The following PLEC variants were observed in gnomAD, a reference collection of about 807,000 sequenced individuals.
PLEC encodes plectin, also known as hemidesmosomal protein 1.
In PLEC, 216 loss-of-function variants were observed where a neutral mutation model predicts 392.8. The observed-to-expected ratio is 0.55, with a 90% CI of 0.49 to 0.62. PLEC has a LOEUF of 0.62. Among genes scored for constraint, PLEC ranks in the 20% least tolerant of loss-of-function variants. The pLI, the probability that PLEC is intolerant of heterozygous loss-of-function variation, is 0.00. For synonymous variants in PLEC, 3,621 were observed against 2,980.6 expected (o/e 1.21, Z -7.00); for missense variants, 6,863 against 6,563.4 (o/e 1.05, Z -1.58).
chr8:143,943,505 C>T (rs1830882205), upstream of PLEC, among the ~76,000 whole-genome samples: 1 of 152,226 alleles, frequency 6.6e-6, no homozygotes, highest in Non-Finnish European at 1.5e-5. Context: ...CACAGGCCTC[C>T]CTTCGTGTGG....
At chr8:143,946,110 G>T (rs1024405185) in intron 1 of PLEC, among the ~76,000 whole-genome samples, 2 of 152,242 alleles carry the variant, frequency 1.3e-5, no homozygotes, top group Admixed American at 1.3e-4. Flanking sequence ...CTGGCGGGAG[G>T]AGTGCCCCAG....
intron 12 of PLEC, 128 bp downstream of exon 12, chr8:143,933,870 C>A (rs1828131535): frequency 3.9e-6 from 3 of 763,934 alleles, no homozygotes; most frequent in South Asian, 1.6e-5. Context: ...CCACCACATG[C>A]CCCGCCCCTG....
upstream of PLEC, among the ~76,000 whole-genome samples, chr8:143,956,868 C>T (rs1212691995): frequency 6.6e-6 from 1 of 152,238 alleles, no homozygotes; most frequent in Non-Finnish European, 1.5e-5. Context: ...CACGATGACC[C>T]TGGGAAGGGC....
At position 143,923,555 on chromosome 8, in the gene PLEC, G is replaced by A. The variant is rs782655298; in HGVS notation, c.6374C>T (p.Ala2125Val). ...ERLKQSAEEQAQARAQAQAAA... is the reference protein window; with the variant it reads ...ERLKQSAEEQVQARAQAQAAA... ...CGCCTGTGCCTGAGCCCGGGCCTGTGCCTGCTCCTCTGCCGACTGCTTCAG... is the reference window on the plus strand; with the variant it reads ...CGCCTGTGCCTGAGCCCGGGCCTGTACCTGCTCCTCTGCCGACTGCTTCAG... The change falls in exon 31 of 32, where the codon GCA (alanine) becomes GTA (valine). Residue 2125 changes from alanine (A) to valine (V), a missense_variant. By Grantham distance (64) the Ala-to-Val change is moderately conservative (BLOSUM62 0). Transcript: ENST00000345136. 1.4e-5 allele frequency: 22 copies of A among 1,597,380 alleles called. No individual in the cohort carries two copies. The South Asian group carries it at 2.0e-4, about 14-fold the overall frequency.
chr8:143,949,265 G>T (rs782017399), intron 1 of PLEC, among the ~76,000 whole-genome samples: 1 of 152,246 alleles, frequency 6.6e-6, no homozygotes, highest in Non-Finnish European at 1.5e-5. Context: ...GCCTGAGAGA[G>T]CAAGCTGCTC....
chr8:143,959,123 G>C (rs532476955), intron 1 of PLEC, among the ~76,000 whole-genome samples: 1 of 152,370 alleles, frequency 6.6e-6, no homozygotes, highest in Non-Finnish European at 1.5e-5. Context: ...AGGGGAGGGC[G>C]TGTGAGGGTG....
At chr8:143,932,603 C>A (rs782197082) in intron 15 of PLEC, 32 bp downstream of exon 15, 2 of 1,611,894 alleles carry the variant, frequency 1.2e-6, no homozygotes, top group Admixed American at 3.3e-5. Flanking sequence ...GCGGGCTACC[C>A]ACCTCCCCCG....
At chr8:143,943,398 G>A (rs1830861963), upstream of PLEC, among the ~76,000 whole-genome samples, 1 of 152,204 alleles carries the variant, frequency 6.6e-6, no homozygotes, top group African/African-American at 2.4e-5. Context: ...CCTCACCTGC[G>A]TGTGGCTCCA....
In PLEC at chr8:143,924,076, G is replaced by T; in HGVS notation, c.5853C>A (p.Ile1951=). 3 of 1,597,884 alleles carry T rather than the reference G, an allele frequency of 1.9e-6. No homozygotes were observed. Among genetic ancestry groups the T allele is most frequent in the Non-Finnish European group, 2.5e-6 (3 of 1,179,166 alleles). ...KAELELELGR[I]RSNAEDTLRS... Reference sequence around the variant, plus strand: ...GCAGCGTGTCCTCCGCGTTGCTGCGGATGCGTCCCAGCTCCAGCTCCAGCT... The same window carrying T: ...GCAGCGTGTCCTCCGCGTTGCTGCGTATGCGTCCCAGCTCCAGCTCCAGCT... The change falls in exon 31 of 32, where the codon ATC becomes ATA. Residue 1951 remains isoleucine, a synonymous_variant. Transcript: ENST00000345136.
chr8:143,973,674 G>A (rs1390705333), upstream of PLEC: 2 of 381,626 alleles, frequency 5.2e-6, no homozygotes, highest in East Asian at 1.6e-4. This position sits in a 1 kb window ranked among gnomAD's most constrained non-coding sequence, Gnocchi z 5.6. Flanking sequence ...CCCTCCCGGC[G>A]GGCCGGTTCC....
intron 1 of PLEC, among the ~76,000 whole-genome samples, chr8:143,966,483 C>T (rs529923609): frequency 1.3e-5 from 2 of 152,376 alleles, no homozygotes; most frequent in South Asian, 4.1e-4. Context: ...CTCTCCACCC[C>T]AGGCTGCTCT....
chr8:143,939,197 C>T (rs1477873781), intron 1 of PLEC, among the ~76,000 whole-genome samples, 153 bp downstream of exon 1: 1 of 152,208 alleles, frequency 6.6e-6, no homozygotes, highest in Non-Finnish European at 1.5e-5. Flanking sequence ...CCTGTCGGCC[C>T]ACTCCGTGTT....
chr8:143,937,297 C>T (rs1033720339), intron 3 of PLEC, 55 bp from the exon 4 acceptor site: 1 of 1,340,920 alleles, frequency 7.5e-7, no homozygotes, highest in African/African-American at 1.4e-5. Flanking sequence ...CGGGCCCCAC[C>T]CTCAGCATGC....
intron 2 of PLEC, 193 bp from the exon 3 acceptor site, chr8:143,938,433 G>A (rs893741213): frequency 6.5e-7 from 1 of 1,539,138 alleles, no homozygotes; most frequent in Non-Finnish European, 8.7e-7. Flanking sequence ...GAGAGACCAG[G>A]AAAGACCAGA....
In PLEC at chr8:143,973,016, C is replaced by T. The variant is rs1554744808; in HGVS notation, c.70+387G>A. ...AACTATGTGACCCATTGCCAGGCGG[C>T]GGAGCTGCCCCTGTTCCATGCAGAC... On this transcript the variant is annotated intron_variant, in intron 1 of 31. Coordinates refer to the PLEC transcript ENST00000356346. This position sits in a 1 kb window ranked among gnomAD's most constrained non-coding sequence, Gnocchi z 5.6. Among the ~76,000 whole-genome samples the T allele has an allele frequency of 1.3e-5, 2 of 152,174 alleles. No homozygotes were observed. The highest frequency in any genetic ancestry group is 2.9e-5 in the Non-Finnish European group (2 of 68,020).
Position 143,916,519 on chromosome 8 carries a change from G to A in PLEC, c.13302C>T (p.Tyr4434=), listed in dbSNP as rs1212596728. The A allele has an allele frequency of 1.5e-5, 24 of 1,611,764 alleles. No homozygotes were observed. Among genetic ancestry groups the A allele is most frequent in the Non-Finnish European group, 1.9e-5 (23 of 1,179,516 alleles). Reference sequence around the variant, plus strand: ...TGAGCTTGGTCTTAGGGCAGGTGAGGTACTTGGAGTAGGCGCCCACGTCAC... The same window carrying A: ...TGAGCTTGGTCTTAGGGCAGGTGAGATACTTGGAGTAGGCGCCCACGTCAC... The part of the protein sequence containing the change: ...KLRDVGAYSK[Y]LTCPKTKLKI... The change falls in exon 32 of 32, where the codon TAC becomes TAT. Residue 4434 remains tyrosine (Y), a synonymous_variant. Transcript: ENST00000345136.
Position 143,916,036 on chromosome 8 carries a change from ATT to A in PLEC, c.*139_*140del. 1.7e-6 allele frequency: 1 copy of A among 580,064 alleles called. No individual in the cohort carries two copies. Among genetic ancestry groups the A allele is most frequent in the South Asian group, 2.2e-5 (1 of 45,392 alleles). The allele number at this position is 580,064 out of a possible 1,614,324, so 35.9% of individuals were successfully genotyped here. ...CAGGCTGTCTGGACAGCAGATATAT[ATT>A]AATATATTAGTCTGGTCTTTTTGGT... is the stretch of plus-strand genomic sequence containing the variant. On this transcript the variant is annotated 3_prime_UTR_variant, in exon 32 of 32. Coordinates refer to ENST00000345136, the MANE Select transcript of PLEC (RefSeq NM_201384.3).
At position 143,929,191 on chromosome 8, in the gene PLEC, G is replaced by A. The variant is rs548522531; in HGVS notation, c.3172C>T (p.Pro1058Ser). 6.2e-6 allele frequency: 10 copies of A among 1,601,078 alleles called. No homozygotes were observed. The African/African-American group carries it at 6.7e-5, about 11-fold the overall frequency. The part of the protein sequence containing the change: ...EKVLALPEPS[P>S]AAPTLRSELE... ...TCCGAGCGCAGCGTGGGGGCCGCAG[G>A]CGATGGCTCTGGTAGGGCCAAGACC... The change falls in exon 25 of 32, where the codon CCT becomes TCT. Residue 1058 changes from proline (P) to serine (S), a missense_variant. Physicochemically the swap from Pro to Ser is moderately conservative, Grantham distance 74 (BLOSUM62 -1). Coordinates refer to ENST00000345136, the MANE Select transcript of PLEC (RefSeq NM_201384.3).
upstream of PLEC, among the ~76,000 whole-genome samples, chr8:143,956,195 G>A (rs962867932): frequency 2.0e-5 from 3 of 152,122 alleles, no homozygotes; most frequent in Non-Finnish European, 4.4e-5. Flanking sequence ...TGATCCACCC[G>A]TCTTGGGCTC....
Sources: allele counts gnomAD v4.1 joint callset (sites outside exome capture counted in the v4.1 genomes callset), GRCh38; gene constraint gnomAD v4.1.1; non-coding constraint Gnocchi (gnomAD v3.1); transcripts MANE v1.5; gene names NCBI Gene and HGNC (gene_info 2026-07-23, HGNC 2026-07-21).